Variants in SNTB2 observed in about 807,000 individuals in gnomAD.
SNTB2 encodes beta-2-syntrophin.
In SNTB2, 34 loss-of-function variants were observed where a neutral mutation model predicts 46.2. That is an observed-to-expected ratio of 0.74 (90% CI 0.56 to 0.98). The LOEUF is 0.98. Ranked by LOEUF, SNTB2 falls within the 50% of genes least tolerant of loss-of-function variation. The pLI, the probability that SNTB2 is intolerant of heterozygous loss-of-function variation, is 0.00. For missense variants in SNTB2, 603 were observed against 731.4 expected (o/e 0.82, Z 2.02); for synonymous variants, 290 against 312.6 (o/e 0.93, Z 0.76).
At chr16:69,229,385 G>T (rs1964485654) in intron 1 of SNTB2, among the ~76,000 whole-genome samples, 2 of 151,538 alleles carry the variant, frequency 1.3e-5, no homozygotes, top group South Asian at 4.2e-4. Flanking sequence ...GCCCAGGCTG[G>T]TCTTGAACTC....
At position 69,267,231 on chromosome 16, in the gene SNTB2, A is replaced by G. The variant is rs111892893; in HGVS notation, c.1006-2912A>G. 7.9e-3 allele frequency among the ~76,000 whole-genome samples: 1,195 copies of G among 152,168 alleles called. 21 individuals are homozygous for G. Among genetic ancestry groups the G allele is most frequent in the African/African-American group, 0.025 (1,058 of 41,514 alleles). ...ATGGGGTTTCACCATGTTGGCCAGG[A>G]TGGTCTTGATCTCCTGATCTCTTCA... is the stretch of plus-strand genomic sequence containing the variant. On this transcript the variant is annotated intron_variant, in intron 3 of 6. Coordinates refer to ENST00000336278, the MANE Select transcript of SNTB2 (RefSeq NM_006750.4).
In SNTB2 at chr16:69,187,220, G is replaced by A. The variant is rs1963996774; in HGVS notation, c.54G>A (p.Val18=). The change falls in exon 1 of 7, where the codon GTG becomes GTA. Residue 18 remains valine, a synonymous_variant. Coordinates refer to ENST00000336278, the MANE Select transcript of SNTB2 (RefSeq NM_006750.4). ...AAAGAGPAMA[V]WTRATKAGLV... ...CTGGAGCGGGGCCGGCCATGGCGGT[G>A]TGGACGCGGGCCACCAAAGCGGGGC... 9 of 1,442,360 alleles carry A rather than the reference G, an allele frequency of 6.2e-6. No individual in the cohort carries two copies. The highest frequency in any genetic ancestry group is 1.4e-5 in the South Asian group (1 of 70,070). 89.3% of individuals were successfully genotyped at this position (1,442,360 alleles called of 1,614,324 possible).
intron 1 of SNTB2, among the ~76,000 whole-genome samples, chr16:69,223,876 C>T (rs1426573298): frequency 2.0e-5 from 3 of 151,760 alleles, no homozygotes; most frequent in Non-Finnish European, 4.4e-5. Context: ...GTGATCCACC[C>T]GCCTCAGCCT....
intron 1 of SNTB2, 23 bp from the exon 2 acceptor site, chr16:69,245,579 T>C: frequency 6.2e-7 from 1 of 1,609,220 alleles, no homozygotes; most frequent in Non-Finnish European, 8.5e-7. Context: ...ACTAACCTTC[T>C]TCTTTGATTT....
chr16:69,307,765 C>T lies in SNTB2; in HGVS notation c.*6841C>T, dbSNP rs1281429698. ...GTCCAGACCAGCCTGGGCAACACAG[C>T]GGGACCCCGACTCCATTTAAAAAAT... On this transcript the variant is annotated 3_prime_UTR_variant, in exon 7 of 7. Transcript: ENST00000336278. 1.3e-5 allele frequency: 2 copies of T among 149,360 alleles called. No homozygotes were observed. The highest frequency in any genetic ancestry group is 4.9e-5 in the African/African-American group (2 of 40,508). 9.3% of individuals were successfully genotyped at this position (149,360 alleles called of 1,614,324 possible).
chr16:69,240,793 G>A (rs560329469), intron 1 of SNTB2: 2 of 152,258 alleles, frequency 1.3e-5, no homozygotes, highest in Non-Finnish European at 2.9e-5. Flanking sequence ...TGTGTTTGCA[G>A]CCGTAGGCTG....
chr16:69,245,838 A>T (rs1964665753), intron 2 of SNTB2, 23 bp downstream of exon 2: 2 of 1,606,562 alleles, frequency 1.2e-6, no homozygotes, highest in African/African-American at 2.7e-5. Flanking sequence ...TAACAAGAAC[A>T]TCATACCTAC....
At chr16:69,258,568 A>T (rs888227851) in intron 2 of SNTB2, among the ~76,000 whole-genome samples, 1 of 149,018 alleles carries the variant, frequency 6.7e-6, no homozygotes, top group Non-Finnish European at 1.5e-5. Context: ...TTCAAATTTT[A>T]CAGAGTAATA....
At chr16:69,251,556 A>G (rs1964726914) in intron 2 of SNTB2, among the ~76,000 whole-genome samples, 1 of 151,636 alleles carries the variant, frequency 6.6e-6, no homozygotes, top group African/African-American at 2.4e-5. Flanking sequence ...AGGTGGGCAG[A>G]TCACCTGAGG....
At chr16:69,279,611 C>T (rs1408420470) in intron 4 of SNTB2, among the ~76,000 whole-genome samples, 1 of 147,046 alleles carries the variant, frequency 6.8e-6, no homozygotes, top group African/African-American at 2.5e-5. Context: ...CTGCACACTC[C>T]GCCTCCCGGG....
In SNTB2 at chr16:69,284,109, A is replaced by G; in HGVS notation, c.1210A>G (p.Thr404Ala). The change falls in exon 5 of 7, where the codon ACC becomes GCC. Residue 404 changes from threonine to alanine, a missense_variant. Physicochemically the swap from Thr to Ala is moderately conservative, Grantham distance 58. Coordinates refer to ENST00000336278, the MANE Select transcript of SNTB2 (RefSeq NM_006750.4). ...CCTTGGATCTGACCTTACATTTGCT[A>G]CCAGGACAGGCTCTCGACAGGGCAT... ...PSLGSDLTFA[T>A]RTGSRQGIEM... The G allele has an allele frequency of 6.2e-7, 1 of 1,613,950 alleles. No homozygotes were observed. The highest frequency in any genetic ancestry group is 8.5e-7 in the Non-Finnish European group (1 of 1,179,990).
chr16:69,233,498 G>A (rs1194567326), intron 1 of SNTB2, among the ~76,000 whole-genome samples: 1 of 152,020 alleles, frequency 6.6e-6, no homozygotes, highest in African/African-American at 2.4e-5. Context: ...ATTTTAAGTG[G>A]GATTACTTCA....
intron 1 of SNTB2, chr16:69,241,787 G>A (rs1166994093): frequency 6.6e-6 from 1 of 151,672 alleles, no homozygotes; most frequent in Non-Finnish European, 1.5e-5. Flanking sequence ...AAATTAGGTG[G>A]GTATGGTGGT....
intron 1 of SNTB2, among the ~76,000 whole-genome samples, chr16:69,198,008 A>G (rs964012960): frequency 6.6e-6 from 1 of 152,180 alleles, no homozygotes; most frequent in Non-Finnish European, 1.5e-5. Flanking sequence ...AAAAACAGCA[A>G]TGAAAGACTA....
chr16:69,194,574 A>G (rs1964085211), intron 1 of SNTB2, among the ~76,000 whole-genome samples: 1 of 152,188 alleles, frequency 6.6e-6, no homozygotes, highest in Non-Finnish European at 1.5e-5. Context: ...AAATCCATAA[A>G]TTAATTTGGA....
chr16:69,230,392 C>T (rs1026338202), intron 1 of SNTB2: 1 of 148,972 alleles, frequency 6.7e-6, no homozygotes. Flanking sequence ...GACGGAGTTT[C>T]GCTGTGTCTC....
chr16:69,214,503 T>C (rs533194474), intron 1 of SNTB2, among the ~76,000 whole-genome samples: 1 of 151,666 alleles, frequency 6.6e-6, no homozygotes, highest in Non-Finnish European at 1.5e-5. Flanking sequence ...ACAACTCTAA[T>C]AAACATATAT....
chr16:69,245,585 G>T lies in SNTB2; in HGVS notation c.581-17G>T, dbSNP rs1322202580. ...AGCAAAATTACTAACCTTCTTCTTT[G>T]ATTTTTTTGTTCATAGTCAAGTTCA... On this transcript the variant is annotated splice_polypyrimidine_tract_variant and intron_variant, in intron 1 of 6. Transcript: ENST00000336278. 3 of 1,611,472 alleles carry T rather than the reference G, an allele frequency of 1.9e-6. No homozygotes were observed. The South Asian group carries it at 3.3e-5, about 18-fold the overall frequency.
intron 4 of SNTB2, among the ~76,000 whole-genome samples, chr16:69,279,851 T>A (rs1965022051): frequency 8.2e-6 from 1 of 122,558 alleles, no homozygotes; most frequent in Admixed American, 8.2e-5. Context: ...TTTTTTTAAT[T>A]AATTAATTAA....
Sources: allele counts gnomAD v4.1 joint callset (sites outside exome capture counted in the v4.1 genomes callset), GRCh38; gene constraint gnomAD v4.1.1; transcripts MANE v1.5; gene names NCBI Gene and HGNC (gene_info 2026-07-23, HGNC 2026-07-21).